GPR158: variants seen among roughly 807,000 people sequenced by gnomAD.
The protein encoded by GPR158 is metabotropic glycine receptor.
In GPR158, 30 loss-of-function variants were observed where a neutral mutation model predicts 78.2. The ratio of observed to expected loss-of-function variants is 0.38; its 90% confidence interval spans 0.29 to 0.52. The LOEUF is 0.52. Among genes scored for constraint, GPR158 ranks in the 20% least tolerant of loss-of-function variants. The pLI is 0.83. For synonymous variants in GPR158, 581 were observed against 591.1 expected (o/e 0.98, Z 0.25); for missense variants, 1,463 against 1,523.5 (o/e 0.96, Z 0.66).
chr10:25,334,619 C>T (rs550093311), intron 2 of GPR158, among the ~76,000 whole-genome samples: 5 of 151,954 alleles, frequency 3.3e-5, no homozygotes, highest in Non-Finnish European at 7.4e-5. Flanking sequence ...ATGGGTAAAA[C>T]TTGAGAACTA....
In GPR158 at chr10:25,514,842, C is replaced by A. The variant is rs116199763; in HGVS notation, c.1405-36134C>A. ...TGTTTAAGGAGGCTAAAAATGGGACCCCAATCTTTTCTAGCTTGTAGGGTT... is the reference window on the plus strand; with the variant it reads ...TGTTTAAGGAGGCTAAAAATGGGACACCAATCTTTTCTAGCTTGTAGGGTT... On this transcript the variant is annotated intron_variant, in intron 5 of 10. Transcript: ENST00000376351. 4.8e-3 allele frequency among the ~76,000 whole-genome samples: 735 copies of A among 152,142 alleles called. 7 individuals are homozygous for A. Among genetic ancestry groups the A allele is most frequent in the African/African-American group, 0.017 (705 of 41,528 alleles).
intron 2 of GPR158, among the ~76,000 whole-genome samples, chr10:25,269,552 A>G (rs1041100494): frequency 2.0e-5 from 3 of 152,196 alleles, no homozygotes; most frequent in African/African-American, 7.2e-5. Context: ...TTTTACTTTC[A>G]CTAGATGTGG....
chr10:25,559,174 C>G (rs1275500539), intron 6 of GPR158, among the ~76,000 whole-genome samples: 1 of 152,156 alleles, frequency 6.6e-6, no homozygotes, highest in African/African-American at 2.4e-5. Flanking sequence ...TTTCATGAAT[C>G]AAACCTTTTA....
chr10:25,412,065 AG>A (rs1348637483), intron 3 of GPR158, among the ~76,000 whole-genome samples, 184 bp from the exon 4 acceptor site: 1 of 152,022 alleles, frequency 6.6e-6, no homozygotes, highest in Admixed American at 6.6e-5. Flanking sequence ...AAAATCAAAA[AG>A]ATAAAAAGAA....
intron 2 of GPR158, among the ~76,000 whole-genome samples, chr10:25,253,168 CG>C (rs1436669073): frequency 7.2e-6 from 1 of 138,336 alleles, no homozygotes; most frequent in Non-Finnish European, 1.6e-5. Context: ...CGCCCTGCTT[CG>C]GCTCGCGCAC....
chr10:25,327,640 T>G (rs557542644), intron 2 of GPR158, among the ~76,000 whole-genome samples: 171 of 152,336 alleles, frequency 1.1e-3, no homozygotes, highest in Middle Eastern at 3.4e-3. Flanking sequence ...AATGAAACAC[T>G]ACCAAATTTA....
At chr10:25,373,945 T>C (rs1834040251) in intron 2 of GPR158, among the ~76,000 whole-genome samples, 1 of 151,728 alleles carries the variant, frequency 6.6e-6, no homozygotes, top group Admixed American at 6.6e-5. Context: ...GGTCAAATTT[T>C]TTGATTAGGT....
chr10:25,524,749 C>G (rs1286006246), intron 5 of GPR158, among the ~76,000 whole-genome samples: 1 of 152,074 alleles, frequency 6.6e-6, no homozygotes, highest in Non-Finnish European at 1.5e-5. Context: ...AGATATGACA[C>G]CAAAATCACA....
rs1411131986 is a variant in GPR158 at position 25,602,079 on chromosome 10, TAA to T, written c.*2806_*2807del. 1 of 152,656 alleles carries T rather than the reference TAA, an allele frequency of 6.6e-6. No individual in the cohort carries two copies. Among genetic ancestry groups the T allele is most frequent in the Non-Finnish European group, 1.5e-5 (1 of 68,044 alleles). 9.5% of individuals were successfully genotyped at this position (152,656 alleles called of 1,614,324 possible). On this transcript the variant is annotated 3_prime_UTR_variant, in exon 11 of 11. Coordinates refer to ENST00000376351, the MANE Select transcript of GPR158 (RefSeq NM_020752.3). ...GAGAGTCGTAGAGTCAATAAAGCTGTAAGTGTCTTCACTTAATCTGTGGTTCT... is the reference window on the plus strand; with the variant it reads ...GAGAGTCGTAGAGTCAATAAAGCTGTGTGTCTTCACTTAATCTGTGGTTCT...
chr10:25,319,076 C>T (rs1485805569), intron 2 of GPR158, among the ~76,000 whole-genome samples: 1 of 152,194 alleles, frequency 6.6e-6, no homozygotes, highest in African/African-American at 2.4e-5. Context: ...AGACTTCTTG[C>T]TCCAAGGGAA....
intron 5 of GPR158, among the ~76,000 whole-genome samples, chr10:25,469,934 G>T (rs535201783): frequency 6.6e-6 from 1 of 151,342 alleles, no homozygotes; most frequent in African/African-American, 2.4e-5. Flanking sequence ...CATGCTAGCC[G>T]CCTAGAATCT....
intron 1 of GPR158, among the ~76,000 whole-genome samples, chr10:25,196,425 A>G (rs1237897686): frequency 1.3e-5 from 2 of 152,024 alleles, no homozygotes; most frequent in East Asian, 1.9e-4. Context: ...TGTTCCCTGA[A>G]TTATTGTTGT....
intron 2 of GPR158, among the ~76,000 whole-genome samples, chr10:25,376,795 T>C (rs1022250037): frequency 4.0e-5 from 6 of 151,790 alleles, no homozygotes; most frequent in African/African-American, 1.4e-4. Flanking sequence ...ATTTTCTTTC[T>C]GCACTTTCAG....
At chr10:25,476,819 C>CT (rs997305351) in intron 5 of GPR158, among the ~76,000 whole-genome samples, 1 of 152,112 alleles carries the variant, frequency 6.6e-6, no homozygotes, top group South Asian at 2.1e-4. Context: ...ACCAGTCATC[C>CT]TTCTTCATTA....
chr10:25,215,531 C>G (rs1375360578), intron 1 of GPR158, among the ~76,000 whole-genome samples: 1 of 151,978 alleles, frequency 6.6e-6, no homozygotes, highest in African/African-American at 2.4e-5. Context: ...TATATTTTAC[C>G]ACAATTAAAA....
intron 5 of GPR158, among the ~76,000 whole-genome samples, chr10:25,506,415 C>A (rs1283068396): frequency 7.2e-5 from 11 of 152,134 alleles, no homozygotes; most frequent in African/African-American, 2.4e-4. Context: ...TTGGTATAGT[C>A]CTAATCTAAC....
intron 2 of GPR158, among the ~76,000 whole-genome samples, chr10:25,368,367 G>A (rs1161076333): frequency 1.3e-5 from 2 of 151,742 alleles, no homozygotes; most frequent in Admixed American, 1.3e-4. Context: ...CTTATATCTA[G>A]CATCTATGAG....
intron 2 of GPR158, among the ~76,000 whole-genome samples, chr10:25,340,247 A>T (rs1268778881): frequency 6.6e-6 from 1 of 152,000 alleles, no homozygotes; most frequent in Non-Finnish European, 1.5e-5. Context: ...GTTTTATTTT[A>T]TACAGATCTT....
Position 25,221,118 on chromosome 10 carries a change from G to A in GPR158, c.969G>A (p.Trp323Ter), listed in dbSNP as rs1853293522. 1 of 1,602,952 alleles carries A rather than the reference G, an allele frequency of 6.2e-7. No individual in the cohort carries two copies. ...TTGACCAATGCTCAAGTGATGGCTG[G>A]TTTTCAGGAACTCATAAATGCCACC... ...VDIDQCSSDG[W>*]FSGTHKCHLN... is the part of the protein sequence containing the mutation. Residue 323 changes from tryptophan (W) to a stop codon, truncating the protein, a stop_gained, in exon 2 of 11, where the codon TGG (tryptophan) becomes TGA (stop). Coordinates refer to ENST00000376351, the MANE Select transcript of GPR158 (RefSeq NM_020752.3). LOFTEE classifies it high-confidence loss of function.
Sources: gnomAD v4.1 joint callset for allele counts (sites outside exome capture counted in the v4.1 genomes callset) on GRCh38, gnomAD v4.1.1 for gene constraint, MANE v1.5 for transcripts, NCBI Gene and HGNC (gene_info 2026-07-23, HGNC 2026-07-21) for gene names.